RIMS2: variants seen among roughly 807,000 people sequenced by gnomAD.
RIMS2 encodes regulating synaptic membrane exocytosis protein 2.
RIMS2 carries 59 observed loss-of-function variants against 174.4 expected under a neutral mutation model. That is an observed-to-expected ratio of 0.34 (90% CI 0.27 to 0.42). RIMS2 has a LOEUF of 0.42. Among genes scored for constraint, RIMS2 ranks in the 10% least tolerant of loss-of-function variants. RIMS2 has a pLI of 1.00. For missense variants in RIMS2, 1,620 were observed against 1,666.3 expected (o/e 0.97, Z 0.48); for synonymous variants, 606 against 572.5 (o/e 1.06, Z -0.84).
chr8:104,223,287 G>T, intron 19 of RIMS2: 1 of 833,162 alleles, frequency 1.2e-6, no homozygotes, highest in Non-Finnish European at 1.5e-6. Flanking sequence ...CTGATTGGCG[G>T]GGACCGCAGC....
intron 19 of RIMS2, among the ~76,000 whole-genome samples, chr8:104,241,537 G>C (rs923363364): frequency 2.6e-5 from 4 of 152,084 alleles, no homozygotes. Context: ...ACATTGCAGA[G>C]GCTGTGTTCT....
chr8:103,511,558 G>A (rs1000596323), intron 1 of RIMS2, among the ~76,000 whole-genome samples: 3 of 152,116 alleles, frequency 2.0e-5, no homozygotes, highest in Admixed American at 2.0e-4. Flanking sequence ...AAGATGCACA[G>A]TAGTGTATGT....
intron 19 of RIMS2, among the ~76,000 whole-genome samples, chr8:104,157,238 G>C (rs1039225745): frequency 1.3e-5 from 2 of 152,172 alleles, no homozygotes; most frequent in African/African-American, 4.8e-5. Flanking sequence ...CATAAATTGT[G>C]TTAAGGTACT....
chr8:103,943,834 C>A lies in RIMS2; in HGVS notation c.2701+908C>A, dbSNP rs575031194. On this transcript the variant is annotated intron_variant, in intron 14 of 23. Coordinates refer to ENST00000504942, the Ensembl canonical transcript of RIMS2. ...TTTAGCAACATTTTGTCAAGTGCTGCAGGACTGATTGACATTAACCAAATT... is the reference window on the plus strand; with the variant it reads ...TTTAGCAACATTTTGTCAAGTGCTGAAGGACTGATTGACATTAACCAAATT... Among the ~76,000 whole-genome samples, 4 of 152,178 alleles carry A rather than the reference C, an allele frequency of 2.6e-5. No homozygotes were observed. In the South Asian group the frequency reaches 8.3e-4, roughly 32 times the overall value.
intron 19 of RIMS2, among the ~76,000 whole-genome samples, chr8:104,175,330 A>C (rs2098877546): frequency 6.6e-6 from 1 of 151,690 alleles, no homozygotes; most frequent in Admixed American, 6.6e-5. Context: ...TTTTTATTGT[A>C]GGTGTATATA....
At chr8:103,718,686 A>C (rs1378739898) in intron 2 of RIMS2, among the ~76,000 whole-genome samples, 2 of 150,312 alleles carry the variant, frequency 1.3e-5, no homozygotes, top group African/African-American at 4.9e-5. Flanking sequence ...GTGGGGAGGG[A>C]GGAGTCTCAC....
intron 1 of RIMS2, among the ~76,000 whole-genome samples, chr8:103,563,131 T>C (rs2091861054): frequency 6.6e-6 from 1 of 152,194 alleles, no homozygotes; most frequent in East Asian, 1.9e-4. Flanking sequence ...TTTTCTCCAT[T>C]GTCTTGGTGA....
At chr8:104,042,862 A>G (rs2096631773) in intron 19 of RIMS2, among the ~76,000 whole-genome samples, 1 of 151,614 alleles carries the variant, frequency 6.6e-6, no homozygotes, top group Non-Finnish European at 1.5e-5. Flanking sequence ...ATTGGAATTA[A>G]TGGAATTGTC....
chr8:103,630,768 G>A (rs971919411), intron 1 of RIMS2, among the ~76,000 whole-genome samples: 14 of 151,958 alleles, frequency 9.2e-5, no homozygotes, highest in Admixed American at 7.2e-4. Context: ...AAAATATGCT[G>A]CAGTAACCCA....
intron 1 of RIMS2, among the ~76,000 whole-genome samples, chr8:103,521,168 G>A (rs1404833428): frequency 6.6e-6 from 1 of 150,758 alleles, no homozygotes; most frequent in Non-Finnish European, 1.5e-5. Flanking sequence ...ATAGCATTAG[G>A]AGATATACCT....
chr8:103,806,155 T>C (rs2098648679), intron 3 of RIMS2, among the ~76,000 whole-genome samples: 1 of 152,164 alleles, frequency 6.6e-6, no homozygotes, highest in Admixed American at 6.6e-5. Flanking sequence ...GGAAGGATTA[T>C]GAAGATTTGA....
rs200001110 is a variant in RIMS2 at position 104,138,626 on chromosome 8, A to AT, written c.3335-106284dup. On this transcript the variant is annotated intron_variant, in intron 19 of 23. Transcript: ENST00000504942. ...GCCCATTTAAAAATTGGATTATTAC[A>AT]TTTTTTCCTGTTGACTGAACTCCTT... is the stretch of plus-strand genomic sequence containing the variant. Among the ~76,000 whole-genome samples the AT allele has an allele frequency of 1.3e-3, 193 of 152,032 alleles. 1 individual carries two copies. In the East Asian group the frequency reaches 0.022, roughly 18 times the overall value.
At chr8:104,161,357 T>G (rs2098760032) in intron 19 of RIMS2, among the ~76,000 whole-genome samples, 1 of 152,070 alleles carries the variant, frequency 6.6e-6, no homozygotes, top group Non-Finnish European at 1.5e-5. Flanking sequence ...TATGGAAAGG[T>G]ATCTTATGTA....
intron 3 of RIMS2, among the ~76,000 whole-genome samples, chr8:103,850,554 C>T (rs1361669770): frequency 2.0e-5 from 3 of 151,956 alleles, no homozygotes; most frequent in African/African-American, 7.2e-5. Context: ...CCAATGAATG[C>T]CAAAGATCAA....
intron 19 of RIMS2, among the ~76,000 whole-genome samples, chr8:104,116,966 G>A (rs2098287634): frequency 6.6e-6 from 1 of 151,454 alleles, no homozygotes; most frequent in Admixed American, 6.6e-5. Context: ...ACTATTCATT[G>A]GAAATCTGTT....
exon 4 of RIMS2, chr8:103,885,657 T>C: frequency 6.2e-7 from 1 of 1,613,012 alleles, no homozygotes; most frequent in South Asian, 1.1e-5. Flanking sequence ...GAAGAACAAA[T>C]GCGGATCCAT....
At chr8:104,123,826 T>A in intron 19 of RIMS2, among the ~76,000 whole-genome samples, 1 of 152,062 alleles carries the variant, frequency 6.6e-6, no homozygotes, top group Non-Finnish European at 1.5e-5. Context: ...AATAGTAAAG[T>A]CAGAAAGTTA....
chr8:104,024,434 C>T (rs2096199814), intron 19 of RIMS2, among the ~76,000 whole-genome samples: 1 of 152,208 alleles, frequency 6.6e-6, no homozygotes, highest in South Asian at 2.1e-4. Flanking sequence ...AGCAGCAGAT[C>T]TGTAGTCTAG....
At chr8:103,618,812 A>G (rs879750766) in intron 1 of RIMS2, among the ~76,000 whole-genome samples, 1 of 152,136 alleles carries the variant, frequency 6.6e-6, no homozygotes, top group Non-Finnish European at 1.5e-5. Context: ...AGTGGAGCAA[A>G]TGAGAGTTTT....
Sources: allele counts gnomAD v4.1 joint callset (sites outside exome capture counted in the v4.1 genomes callset), GRCh38; gene constraint gnomAD v4.1.1; transcripts MANE v1.5; gene names NCBI Gene and HGNC (gene_info 2026-07-23, HGNC 2026-07-21).